The following ANK2 variants were observed in gnomAD, a reference collection of about 807,000 sequenced individuals.
ANK2 encodes ankyrin 2.
ANK2 carries 83 observed loss-of-function variants against 360.5 expected under a neutral mutation model. That is an observed-to-expected ratio of 0.23 (90% confidence interval 0.19 to 0.28). ANK2 has a LOEUF of 0.28. Ranked by LOEUF, ANK2 falls within the 10% of genes least tolerant of loss-of-function variation. The probability of loss-of-function intolerance (pLI) is 1.00; values close to 1 mark genes in which losing one functional copy is unlikely to be tolerated. For missense variants in ANK2, 4,201 were observed against 4,795.7 expected (o/e 0.88, Z 3.66); for synonymous variants, 1,740 against 1,759.5 (o/e 0.99, Z 0.28).
intron 22 of ANK2, among the ~76,000 whole-genome samples, chr4:113,296,974 A>G (rs2071954283): frequency 6.6e-6 from 1 of 152,172 alleles, no homozygotes; most frequent in Non-Finnish European, 1.5e-5. Context: ...ATATTATCTT[A>G]TATTATTACT....
the ANK2 span, among the ~76,000 whole-genome samples, chr4:112,810,159 ATTTTTT>A: frequency 0.014 from 482 of 35,068 alleles, no homozygotes; most frequent in Middle Eastern, 0.024. Context: ...ATATATATAT[ATTTTTT>A]TTTTTTTTTT....
chr4:112,886,698 T>A (rs1046345287), intron 1 of ANK2, among the ~76,000 whole-genome samples: 4 of 151,838 alleles, frequency 2.6e-5, no homozygotes, highest in Non-Finnish European at 5.9e-5. Flanking sequence ...ACAAATAGAC[T>A]TTCCCTAAAA....
intron 45 of ANK2, chr4:113,378,194 A>G (rs2097028150): frequency 1.7e-5 from 20 of 1,199,804 alleles, no homozygotes; most frequent in Non-Finnish European, 2.2e-5. Context: ...TTGGGTTAGC[A>G]TGGGGTGATG....
intron 2 of ANK2, among the ~76,000 whole-genome samples, chr4:113,001,912 G>A (rs2050838552): frequency 6.6e-6 from 1 of 152,132 alleles, no homozygotes; most frequent in Admixed American, 6.6e-5. Flanking sequence ...ACATGCTCCA[G>A]CCAGAAAGCC....
intron 2 of ANK2, among the ~76,000 whole-genome samples, chr4:113,176,028 C>T (rs1037183646): frequency 2.0e-5 from 3 of 152,202 alleles, no homozygotes; most frequent in African/African-American, 4.8e-5. Flanking sequence ...CAGTGAGCAA[C>T]CTTGAGGGAT....
chr4:112,774,497 A>G, the ANK2 span, among the ~76,000 whole-genome samples: 1 of 152,172 alleles, frequency 6.6e-6, no homozygotes, highest in African/African-American at 2.4e-5. Context: ...CGGCACCTCC[A>G]GTCTGGGCGA....
At chr4:112,821,999 C>T (rs2057190708) in intron 1 of ANK2, among the ~76,000 whole-genome samples, 1 of 152,004 alleles carries the variant, frequency 6.6e-6, no homozygotes. Context: ...AACTCCTGGG[C>T]TCAAGCGATC....
chr4:113,209,996 T>C (rs1428732747), intron 4 of ANK2, among the ~76,000 whole-genome samples: 2 of 152,074 alleles, frequency 1.3e-5, no homozygotes, highest in East Asian at 3.9e-4. Context: ...TTGGTGGGGG[T>C]CTGGGTTTCT....
chr4:112,895,521 A>T (rs2081469703), intron 1 of ANK2, among the ~76,000 whole-genome samples: 1 of 152,122 alleles, frequency 6.6e-6, no homozygotes, highest in Non-Finnish European at 1.5e-5. Context: ...AGTGGCAGAA[A>T]TTTATCATTA....
At chr4:113,295,534 A>G (rs1377566675) in intron 22 of ANK2, among the ~76,000 whole-genome samples, 1 of 152,194 alleles carries the variant, frequency 6.6e-6, no homozygotes, top group Non-Finnish European at 1.5e-5. Flanking sequence ...TATCTCTGGA[A>G]AAGATGGGAT....
At chr4:112,997,173 T>C (rs1357049184) in intron 2 of ANK2, among the ~76,000 whole-genome samples, 2 of 152,176 alleles carry the variant, frequency 1.3e-5, no homozygotes, top group Non-Finnish European at 2.9e-5. Context: ...CCTGATATTG[T>C]GAAATATGTA....
intron 1 of ANK2, among the ~76,000 whole-genome samples, chr4:113,078,519 G>T (rs1396412841): frequency 4.6e-5 from 7 of 152,152 alleles, no homozygotes; most frequent in Non-Finnish European, 7.3e-5. Flanking sequence ...TACAGATTAT[G>T]ATTTTTTTCC....
chr4:113,134,145 G>A (rs2096248551), intron 1 of ANK2, among the ~76,000 whole-genome samples: 1 of 152,074 alleles, frequency 6.6e-6, no homozygotes, highest in Non-Finnish European at 1.5e-5. Context: ...AGTCTTGGAT[G>A]TCATCAACAG....
chr4:112,978,296 C>T (rs1308800620), intron 2 of ANK2, among the ~76,000 whole-genome samples: 5 of 152,012 alleles, frequency 3.3e-5, no homozygotes, highest in African/African-American at 7.3e-5. Context: ...AATTTCTCTT[C>T]CTAGGAATTC....
In ANK2 at chr4:113,094,356, G is replaced by C. The variant is rs1303850375; in HGVS notation, c.84+44544G>C. On this transcript the variant is annotated intron_variant, in intron 1 of 45. Coordinates refer to ENST00000357077, the MANE Select transcript of ANK2 (RefSeq NM_001148.6). ...CTTATCAACCTATCTCTGAGACAAAGACTTCAGCCGTTAGAAAAAAGACGT... is the reference window on the plus strand; with the variant it reads ...CTTATCAACCTATCTCTGAGACAAACACTTCAGCCGTTAGAAAAAAGACGT... Among the ~76,000 whole-genome samples, 3 of 152,186 alleles carry C rather than the reference G, an allele frequency of 2.0e-5. No homozygotes were observed. The South Asian group carries it at 6.2e-4, about 32-fold the overall frequency.
intron 2 of ANK2, 138 bp downstream of exon 2, chr4:113,174,655 C>T (rs937199337): frequency 4.5e-6 from 3 of 661,912 alleles, no homozygotes; most frequent in East Asian, 3.2e-5. Context: ...ATTTTTTGCC[C>T]CCTTACCAAC....
At chr4:113,278,071 G>A (rs770606833) in intron 16 of ANK2, 136 bp downstream of exon 16, 54 of 879,714 alleles carry the variant, frequency 6.1e-5, no homozygotes, top group East Asian at 2.2e-4. Context: ...ACATGGTGGC[G>A]ATGTCTTCCA....
At chr4:113,083,971 C>T (rs944254680) in intron 1 of ANK2, among the ~76,000 whole-genome samples, 1 of 152,198 alleles carries the variant, frequency 6.6e-6, no homozygotes, top group South Asian at 2.1e-4. Context: ...CTAGTGGAAT[C>T]GTTGTGGGGT....
chr4:113,380,663 A>G (rs757526010), intron 45 of ANK2, among the ~76,000 whole-genome samples: 1 of 152,270 alleles, frequency 6.6e-6, no homozygotes, highest in Non-Finnish European at 1.5e-5. Flanking sequence ...CTCCGTCTCA[A>G]GAAAAGGTGT....
Sources: gnomAD v4.1 joint callset for allele counts (sites outside exome capture counted in the v4.1 genomes callset) on GRCh38, gnomAD v4.1.1 for gene constraint, MANE v1.5 for transcripts, NCBI Gene and HGNC (gene_info 2026-07-23, HGNC 2026-07-21) for gene names.